PARP8: variants seen among roughly 807,000 people sequenced by gnomAD.
The protein encoded by PARP8 is poly(ADP-ribose) polymerase family member 8.
Under a neutral mutation model 124.1 loss-of-function variants are expected in PARP8, and 51 were observed. The ratio of observed to expected loss-of-function variants is 0.41; its 90% CI spans 0.33 to 0.52. The LOEUF is 0.52. Among genes scored for constraint, PARP8 ranks in the 20% least tolerant of loss-of-function variants. The pLI is 0.21. For missense variants in PARP8, 860 were observed against 1,018.9 expected (o/e 0.84, Z 2.12); for synonymous variants, 391 against 361.5 (o/e 1.08, Z -0.93).
At chr5:50,809,825 C>T (rs1377865033) in intron 14 of PARP8, among the ~76,000 whole-genome samples, 1 of 150,520 alleles carries the variant, frequency 6.6e-6, no homozygotes, top group Non-Finnish European at 1.5e-5. Context: ...AAGACCATGG[C>T]AAAAATATTT....
chr5:50,703,190 A>G (rs1443371377), intron 2 of PARP8, among the ~76,000 whole-genome samples: 2 of 151,820 alleles, frequency 1.3e-5, no homozygotes, highest in Non-Finnish European at 2.9e-5. Flanking sequence ...AGTCCCAGCT[A>G]CTTGGGAGGC....
Position 50,667,958 on chromosome 5 carries a change from C to G in PARP8, c.92-113C>G. The G allele has an allele frequency of 1.9e-6, 3 of 1,593,366 alleles. No individual in the cohort carries two copies. The Admixed American group carries it at 5.1e-5, about 27-fold the overall frequency. On this transcript the variant is annotated intron_variant, in intron 1 of 25. Coordinates refer to ENST00000281631, the MANE Select transcript of PARP8 (RefSeq NM_024615.4). ...GGACCTCGCCGCCCTCTAGCCCTTG[C>G]CTTCTGCCCGGCCAGGCCTCCCCTG...
intron 7 of PARP8, among the ~76,000 whole-genome samples, chr5:50,775,821 T>C (rs1465731364): frequency 1.3e-5 from 2 of 152,204 alleles, no homozygotes; most frequent in East Asian, 3.8e-4. Context: ...TTTTTATATA[T>C]ACGATCATGT....
At chr5:50,703,499 G>T (rs1364565877) in intron 2 of PARP8, among the ~76,000 whole-genome samples, 2 of 151,996 alleles carry the variant, frequency 1.3e-5, no homozygotes, top group South Asian at 2.1e-4. Context: ...TTCCTTGAAG[G>T]ATTCATGATT....
At position 50,756,354 on chromosome 5, in the gene PARP8, C is replaced by G. The variant is rs151074171; in HGVS notation, c.185-3289C>G. Among the ~76,000 whole-genome samples, 493 of 152,188 alleles carry G rather than the reference C, an allele frequency of 3.2e-3. 1 individual carries two copies. The highest frequency in any genetic ancestry group is 5.2e-3 in the Non-Finnish European group (351 of 67,994). On this transcript the variant is annotated intron_variant, in intron 3 of 25. Transcript: ENST00000281631. Reference sequence around the variant, plus strand: ...AGCTCTTATTATTTTGAGATACATCCCATTCTTATTCTATTACTTTAAGTC... The same window carrying G: ...AGCTCTTATTATTTTGAGATACATCGCATTCTTATTCTATTACTTTAAGTC...
chr5:50,684,611 A>G (rs1225297606), intron 2 of PARP8, among the ~76,000 whole-genome samples: 34 of 152,310 alleles, frequency 2.2e-4, no homozygotes, highest in African/African-American at 4.8e-5. Context: ...CTTAAATCAC[A>G]TGAGCCTGTC....
chr5:50,827,840 T>C, intron 19 of PARP8, 104 bp from the exon 20 acceptor site: 7 of 802,202 alleles, frequency 8.7e-6, no homozygotes, highest in South Asian at 8.1e-5. Context: ...ATTACTATAG[T>C]TTGAAAGTGG....
intron 10 of PARP8, among the ~76,000 whole-genome samples, chr5:50,789,932 A>G (rs1023354067): frequency 2.6e-5 from 4 of 152,164 alleles, no homozygotes; most frequent in Non-Finnish European, 5.9e-5. Flanking sequence ...TATATTTGAT[A>G]TATGAAATAG....
At chr5:50,710,875 C>G (rs749988459) in intron 2 of PARP8, among the ~76,000 whole-genome samples, 2 of 152,124 alleles carry the variant, frequency 1.3e-5, no homozygotes, top group Non-Finnish European at 2.9e-5. Context: ...GACTTATTAC[C>G]TAGCCACAGT....
At chr5:50,676,194 T>G (rs1238971341) in intron 2 of PARP8, among the ~76,000 whole-genome samples, 2 of 152,248 alleles carry the variant, frequency 1.3e-5, no homozygotes, top group South Asian at 2.1e-4. Context: ...GGAAAACACT[T>G]TGGCAAACTC....
chr5:50,738,835 G>A (rs1185200598), intron 2 of PARP8: 3 of 563,086 alleles, frequency 5.3e-6, no homozygotes, highest in Non-Finnish European at 6.5e-6. Context: ...CGGCTTGGAC[G>A]AGCTTGGCTT....
At chr5:50,765,136 C>T (rs1040986082) in intron 7 of PARP8, among the ~76,000 whole-genome samples, 5 of 151,670 alleles carry the variant, frequency 3.3e-5, no homozygotes, top group African/African-American at 9.7e-5. Flanking sequence ...TGACAGGTGC[C>T]GGTAAACCCA....
At chr5:50,799,673 G>C (rs904403689) in intron 14 of PARP8, among the ~76,000 whole-genome samples, 1 of 152,186 alleles carries the variant, frequency 6.6e-6, no homozygotes, top group African/African-American at 2.4e-5. Flanking sequence ...CTATAGACTG[G>C]ATGTGTTCCT....
At chr5:50,713,497 T>C (rs1324868015) in intron 2 of PARP8, among the ~76,000 whole-genome samples, 1 of 151,684 alleles carries the variant, frequency 6.6e-6, no homozygotes, top group African/African-American at 2.4e-5. Flanking sequence ...CCCCTGTGCC[T>C]CCCATAGTGC....
At chr5:50,801,260 C>T (rs1300406899) in intron 14 of PARP8, among the ~76,000 whole-genome samples, 8 of 151,976 alleles carry the variant, frequency 5.3e-5, no homozygotes, top group Admixed American at 2.0e-4. Flanking sequence ...CCACCACACC[C>T]GGCTAATTTT....
intron 2 of PARP8, among the ~76,000 whole-genome samples, chr5:50,728,521 T>G (rs187711386): frequency 6.6e-6 from 1 of 152,118 alleles, no homozygotes; most frequent in Non-Finnish European, 1.5e-5. Flanking sequence ...CTTGTTTTCA[T>G]AGGAATCACA....
chr5:50,667,250 G>T, intron 1 of PARP8, 64 bp downstream of exon 1: 1 of 1,513,224 alleles, frequency 6.6e-7, no homozygotes, highest in Admixed American at 1.7e-5. Flanking sequence ...TGACCGCGAC[G>T]TCTGTGGCTG....
chr5:50,747,172 T>TTTG (rs1758674510), intron 2 of PARP8, among the ~76,000 whole-genome samples: 20 of 145,142 alleles, frequency 1.4e-4, no homozygotes, highest in Admixed American at 2.7e-4. Flanking sequence ...TGTTTTTTTT[T>TTTG]TTTTTTTTGT....
chr5:50,833,567 C>G, intron 23 of PARP8: 1 of 305,230 alleles, frequency 3.3e-6, no homozygotes, highest in Non-Finnish European at 6.4e-6. Context: ...ACCTCCGTGA[C>G]CTAGTACATG....
Sources: allele counts gnomAD v4.1 joint callset (sites outside exome capture counted in the v4.1 genomes callset), GRCh38; gene constraint gnomAD v4.1.1; transcripts MANE v1.5; gene names NCBI Gene and HGNC (gene_info 2026-07-23, HGNC 2026-07-21).